The following ZNF550 variants were observed in gnomAD, a reference collection of about 807,000 sequenced individuals.
ZNF550 encodes zinc finger protein 550.
A neutral mutation model predicts 40.2 loss-of-function variants in ZNF550; 42 were observed. That is an observed-to-expected ratio of 1.05 (90% confidence interval 0.82 to 1.35). The LOEUF (loss-of-function observed/expected upper bound fraction) is 1.35, where lower values mean the gene tolerates loss of function less well. Ranked by LOEUF, ZNF550 falls within the 40% of genes most tolerant of loss-of-function variation. The probability of loss-of-function intolerance (pLI) is 0.00; values close to 1 mark genes in which losing one functional copy is unlikely to be tolerated. For missense variants in ZNF550, 549 were observed against 525.2 expected, an observed-to-expected ratio of 1.05 and a Z score of -0.44; for synonymous variants, 223 against 198.6, an observed-to-expected ratio of 1.12 and a Z score of -1.03.
chr19:57,543,760 A>AC (rs2089982797), intron 4 of ZNF550: 1 of 427,716 alleles, frequency 2.3e-6, no homozygotes. Flanking sequence ...ACATGGTGAA[A>AC]CCCCGTCTCT....
chr19:57,555,992 T>G, intron 2 of ZNF550: 2 of 477,856 alleles, frequency 4.2e-6, no homozygotes, highest in Non-Finnish European at 7.6e-6. Context: ...GCCAATCAGC[T>G]TCCTTCTTAT....
exon 5 of ZNF550, chr19:57,542,469 CAG>C (rs1295275212): frequency 1.3e-5 from 2 of 151,600 alleles, no homozygotes; most frequent in African/African-American, 2.4e-5. Flanking sequence ...TGTCCATAAT[CAG>C]AGGATTTGAA....
At chr19:57,550,970 T>C (rs1203020550) in intron 3 of ZNF550, among the ~76,000 whole-genome samples, 1 of 151,460 alleles carries the variant, frequency 6.6e-6, no homozygotes, top group Non-Finnish European at 1.5e-5. Flanking sequence ...TTGAGTACAC[T>C]TTTTTTTGTT....
intron 3 of ZNF550, among the ~76,000 whole-genome samples, chr19:57,551,471 T>C (rs1271577766): frequency 2.1e-5 from 3 of 141,742 alleles, no homozygotes; most frequent in Non-Finnish European, 3.2e-5. Flanking sequence ...GTGATGGACT[T>C]AGGAGATATG....
exon 5 of ZNF550, chr19:57,542,524 T>TA: frequency 6.6e-6 from 1 of 151,986 alleles, no homozygotes; most frequent in South Asian, 2.1e-4. Context: ...ACATGGCAGT[T>TA]AAAAACAATT....
At chr19:57,558,008 A>G (rs887778253) in intron 1 of ZNF550, among the ~76,000 whole-genome samples, 1 of 152,242 alleles carries the variant, frequency 6.6e-6, no homozygotes, top group Non-Finnish European at 1.5e-5. Flanking sequence ...GCCCAGAGGT[A>G]AATGTCGTTA....
chr19:57,547,156 C>T (rs377559464), exon 4 of ZNF550: 63 of 1,611,030 alleles, frequency 3.9e-5, no homozygotes, highest in Admixed American at 5.0e-5. Flanking sequence ...AGTGTGAATC[C>T]GCTGGTGCTG....
rs1023154898 is a variant in ZNF550 at position 57,543,538 on chromosome 19, A to C, written c.*519-295T>G. On this transcript the variant is annotated intron_variant, in intron 4 of 4. Transcript: ENST00000457177. ...ACTGTGAATGGTCATAACTAGTCCC[A>C]CCCCCACAATCATTTCTCACAGATT... 4.6e-6 allele frequency: 4 copies of C among 878,246 alleles called. No individual in the cohort carries two copies. In the African/African-American group the frequency reaches 7.3e-5, roughly 16 times the overall value. The allele number at this position is 878,246 out of a possible 1,614,324, so 54.4% of individuals were successfully genotyped here.
At chr19:57,543,901 G>C (rs1009086027) in intron 4 of ZNF550, 28 of 909,456 alleles carry the variant, frequency 3.1e-5, no homozygotes, top group Non-Finnish European at 6.6e-6. Flanking sequence ...TGGCGCCACT[G>C]CACTCCAGCC....
intron 3 of ZNF550, 94 bp downstream of exon 3, chr19:57,552,533 A>G (rs1599895579): frequency 3.9e-6 from 4 of 1,015,068 alleles, no homozygotes; most frequent in Non-Finnish European, 5.8e-6. Context: ...GAAAGCCACA[A>G]TGAGCAGTTT....
chr19:57,549,370 G>A (rs1327660222), intron 3 of ZNF550, among the ~76,000 whole-genome samples: 9 of 152,012 alleles, frequency 5.9e-5, no homozygotes, highest in Non-Finnish European at 8.8e-5. Context: ...GCTTGAACCC[G>A]GGAGGCAGAG....
rs755913085 is a variant in ZNF550, at chr19:57,548,001, G to A, written c.251-8C>T. On this transcript the variant is annotated splice_polypyrimidine_tract_variant and splice_region_variant and intron_variant, in intron 3 of 4. Coordinates refer to ENST00000457177, the Ensembl canonical transcript of ZNF550. ...GAACTTGTGCTCTGTCACCTGAAGG[G>A]CATCAACAAACAAAGGAGGGGTCTT... 2 of 1,604,974 alleles carry A rather than the reference G, an allele frequency of 1.2e-6. No individual in the cohort carries two copies. The highest frequency in any genetic ancestry group is 1.7e-6 in the Non-Finnish European group (2 of 1,174,664).
chr19:57,546,941 G>C (rs781567767), exon 4 of ZNF550: 116 of 1,572,994 alleles, frequency 7.4e-5, no homozygotes, highest in Non-Finnish European at 9.7e-5. Flanking sequence ...GTGGGTAAAG[G>C]CCTTGCTGTA....
In ZNF550 at chr19:57,552,428, A is replaced by G; in HGVS notation, c.250+199T>C. 4 of 518,856 alleles carry G rather than the reference A, an allele frequency of 7.7e-6. No homozygotes were observed. The Middle Eastern group carries it at 1.1e-3, about 143-fold the overall frequency. The allele number at this position is 518,856 out of a possible 1,614,324, so 32.1% of individuals were successfully genotyped here. ...ACCATAAAGATTCCTGTTCACAGCA[A>G]AAGGTACCTGTGTCTCTGAATAATT... On this transcript the variant is annotated intron_variant, in intron 3 of 4. Coordinates refer to ENST00000457177, the Ensembl canonical transcript of ZNF550.
intron 3 of ZNF550, among the ~76,000 whole-genome samples, chr19:57,548,611 C>T (rs951570859): frequency 6.6e-6 from 1 of 152,120 alleles, no homozygotes; most frequent in African/African-American, 2.4e-5. Flanking sequence ...AAAGGGAACC[C>T]TCATACACTG....
exon 4 of ZNF550, chr19:57,547,219 G>C (rs781405675): frequency 6.2e-7 from 1 of 1,614,094 alleles, no homozygotes; most frequent in Non-Finnish European, 8.5e-7. Context: ...GCAATCATAG[G>C]GCTTCTCTCC....
At chr19:57,547,227 T>C (rs2090022018) in exon 4 of ZNF550, 1 of 1,614,084 alleles carries the variant, frequency 6.2e-7, no homozygotes, top group East Asian at 2.2e-5. Flanking sequence ...AGGGCTTCTC[T>C]CCAGTGTGGA....
chr19:57,559,159 G>A (rs2123376240), intron 1 of ZNF550, among the ~76,000 whole-genome samples: 1 of 152,276 alleles, frequency 6.6e-6, no homozygotes, highest in East Asian at 1.9e-4. Flanking sequence ...CAGGCCCAGG[G>A]AGCAGCTCCG....
chr19:57,552,129 T>C (rs144381557), intron 3 of ZNF550, among the ~76,000 whole-genome samples: 1 of 152,248 alleles, frequency 6.6e-6, no homozygotes, highest in Non-Finnish European at 1.5e-5. Context: ...AGCAGTGTCA[T>C]GTGTTATCTC....
Sources: allele counts gnomAD v4.1 joint callset (sites outside exome capture counted in the v4.1 genomes callset), GRCh38; gene constraint gnomAD v4.1.1; transcripts MANE v1.5; gene names NCBI Gene and HGNC (gene_info 2026-07-23, HGNC 2026-07-21).